The following IL3RA variants were observed in gnomAD, a reference collection of about 807,000 sequenced individuals.
The protein encoded by IL3RA is interleukin-3 receptor subunit alpha.
A neutral mutation model predicts 52.3 loss-of-function variants in IL3RA; 73 were observed. That is an observed-to-expected ratio of 1.40 (90% CI 1.16 to 1.70). The LOEUF is 1.70. Among genes scored for constraint, IL3RA ranks in the 40% most tolerant of loss-of-function variants. IL3RA has a pLI of 0.00. For missense variants in IL3RA, 664 were observed against 504.4 expected, an observed-to-expected ratio of 1.32 and a Z score of -3.03; for synonymous variants, 260 against 194.0, an observed-to-expected ratio of 1.34 and a Z score of -2.83.
chrX:1,352,079 C>T, intron 4 of IL3RA, 21 bp from the exon 5 acceptor site: 1 of 1,613,046 alleles, frequency 6.2e-7, no homozygotes, highest in Non-Finnish European at 8.5e-7. Flanking sequence ...TTCGAGTTCT[C>T]TTTCATGTTT....
chrX:1,351,745 C>G (rs1192044462), intron 4 of IL3RA, among the ~76,000 whole-genome samples: 2 of 151,570 alleles, frequency 1.3e-5, no homozygotes, highest in Non-Finnish European at 2.9e-5. Context: ...TCTCCTGCCT[C>G]AGCCTCCCGA....
At chrX:1,348,577 C>G (rs772068122) in intron 4 of IL3RA, 32 bp downstream of exon 4, 29 of 1,502,594 alleles carry the variant, frequency 1.9e-5, no homozygotes, top group Non-Finnish European at 2.7e-5. Flanking sequence ...TGTTTATTCT[C>G]TATTCCCTCC....
chrX:1,358,911 G>A lies in IL3RA; in HGVS notation c.759+24G>A, dbSNP rs187175618. On this transcript the variant is annotated intron_variant, in intron 8 of 11. Coordinates refer to ENST00000331035, the MANE Select transcript of IL3RA (RefSeq NM_002183.4). ...AGGTGAGTGTTCCCTACCCCCAGCC[G>A]CTGTACTTGACATTGCAAAGGGTGA... The A allele has an allele frequency of 1.2e-4, 195 of 1,604,080 alleles. 2 individuals are homozygous for A. The highest frequency in any genetic ancestry group is 1.2e-3 in the South Asian group (104 of 89,696).
At chrX:1,355,803 C>T in intron 6 of IL3RA, among the ~76,000 whole-genome samples, 1 of 150,934 alleles carries the variant, frequency 6.6e-6, no homozygotes. Context: ...GCAGAGGGGG[C>T]ATGGGAAGTA....
At chrX:1,365,556 C>G (rs765722954) in intron 9 of IL3RA, among the ~76,000 whole-genome samples, 14 of 2,994 alleles carry the variant, frequency 4.7e-3, no homozygotes, top group African/African-American at 9.0e-3. Flanking sequence ...CGGGGTGAGC[C>G]GGGTGCGCGG....
chrX:1,357,081 T>C (rs1383584659), intron 7 of IL3RA, among the ~76,000 whole-genome samples: 15 of 151,762 alleles, frequency 9.9e-5, no homozygotes, highest in Admixed American at 9.9e-4. Flanking sequence ...GCCTCCCGAG[T>C]AGCTGGGATT....
intron 8 of IL3RA, among the ~76,000 whole-genome samples, chrX:1,361,755 GAAAA>G (rs1156722120): frequency 2.4e-5 from 2 of 81,764 alleles, no homozygotes; most frequent in Admixed American, 1.5e-4. Flanking sequence ...TCCGTCTCGA[GAAAA>G]AAAAAAAAAA....
chrX:1,380,989 G>A, intron 10 of IL3RA, 34 bp from the exon 11 acceptor site: 1 of 1,587,556 alleles, frequency 6.3e-7, no homozygotes, highest in Non-Finnish European at 8.7e-7. Context: ...GTCGGTTTTG[G>A]GTTCAGAGCT....
At chrX:1,356,504 T>G (rs2046081204) in intron 7 of IL3RA, among the ~76,000 whole-genome samples, 168 bp downstream of exon 7, 1 of 152,142 alleles carries the variant, frequency 6.6e-6, no homozygotes, top group Non-Finnish European at 1.5e-5. Flanking sequence ...GCGCTGTGGC[T>G]CACGCCTGTC....
chrX:1,361,816 G>C (rs1435360138), intron 8 of IL3RA, among the ~76,000 whole-genome samples: 2 of 148,580 alleles, frequency 1.3e-5, no homozygotes, highest in East Asian at 2.0e-4. Context: ...TAAACCATTA[G>C]ATCTCGTGAG....
At position 1,378,647 on chromosome X, in the gene IL3RA, C is replaced by G. The variant is rs1180430696; in HGVS notation, c.875-12C>G. The G allele has an allele frequency of 6.2e-7, 1 of 1,610,622 alleles. No homozygotes were observed. The highest frequency in any genetic ancestry group is 8.5e-7 in the Non-Finnish European group (1 of 1,178,690). ...GCCCCCGGTCTGTGACCCTCTCACC[C>G]TTTACCCCTAGAGTGCGACCAGGAG... is the stretch of plus-strand genomic sequence containing the variant. On this transcript the variant is annotated splice_polypyrimidine_tract_variant and intron_variant, in intron 9 of 11. Transcript: ENST00000331035.
intron 4 of IL3RA, among the ~76,000 whole-genome samples, chrX:1,351,628 T>A (rs1318687778): frequency 7.4e-6 from 1 of 134,234 alleles, no homozygotes; most frequent in African/African-American, 2.8e-5. Flanking sequence ...CATGCCTGGG[T>A]TTGTTTTTTT....
At chrX:1,360,686 C>CT (rs113939418) in intron 8 of IL3RA, among the ~76,000 whole-genome samples, 257 of 145,004 alleles carry the variant, frequency 1.8e-3, no homozygotes, top group East Asian at 3.0e-3. Flanking sequence ...GCCCAACTAA[C>CT]TTTTTTTTTT....
At chrX:1,351,843 T>A (rs1328963376) in intron 4 of IL3RA, among the ~76,000 whole-genome samples, 9 of 138,820 alleles carry the variant, frequency 6.5e-5, no homozygotes, top group Non-Finnish European at 1.4e-4. Context: ...TTAGCCAGGC[T>A]GGTCTCGAAC....
intron 6 of IL3RA, among the ~76,000 whole-genome samples, chrX:1,354,670 G>A (rs2086498643): frequency 1.1e-5 from 1 of 91,182 alleles, no homozygotes; most frequent in Admixed American, 1.0e-4. Context: ...GGGAGGAAGA[G>A]GAGGAAGAGA....
rs774150255 is a variant in IL3RA at position 1,368,669 on chromosome X, A to G, written c.874+3417A>G. Among the ~76,000 whole-genome samples the G allele has an allele frequency of 2.6e-5, 4 of 152,210 alleles. No homozygotes were observed. The South Asian group carries it at 8.3e-4, about 32-fold the overall frequency. Reference sequence around the variant, plus strand: ...ACTGGGGTCCTTATAAGAAGAGGAGATGAGGACACAGACACACACAGAGGG... The same window carrying G: ...ACTGGGGTCCTTATAAGAAGAGGAGGTGAGGACACAGACACACACAGAGGG... On this transcript the variant is annotated intron_variant, in intron 9 of 11. Transcript: ENST00000331035.
chrX:1,341,621 C>A (rs1432610418), intron 1 of IL3RA, 107 bp from the exon 2 acceptor site: 3 of 799,478 alleles, frequency 3.8e-6, no homozygotes, highest in Non-Finnish European at 6.2e-6. Context: ...CCAGAAGCAG[C>A]TCCTTCTGCT....
intron 7 of IL3RA, among the ~76,000 whole-genome samples, chrX:1,358,182 C>G (rs1220359528): frequency 1.3e-5 from 2 of 152,098 alleles, no homozygotes; most frequent in African/African-American, 2.4e-5. Flanking sequence ...GGCATAGCTG[C>G]AGCCACAGGC....
At chrX:1,349,775 G>C (rs17881099) in intron 4 of IL3RA, among the ~76,000 whole-genome samples, 1,898 of 152,082 alleles carry the variant, frequency 0.012, 52 homozygotes, top group African/African-American at 0.043. Context: ...CGATTCTCCT[G>C]CCTCAGCCTC....
Sources: allele counts gnomAD v4.1 joint callset (sites outside exome capture counted in the v4.1 genomes callset), GRCh38; gene constraint gnomAD v4.1.1; transcripts MANE v1.5; gene names NCBI Gene and HGNC (gene_info 2026-07-23, HGNC 2026-07-21).